PRR16: variants seen among roughly 807,000 people sequenced by gnomAD.
PRR16 encodes protein Largen.
Under a neutral mutation model 18.2 loss-of-function variants are expected in PRR16, and 6 were observed. That is an observed-to-expected ratio of 0.33 (90% CI 0.18 to 0.65). The LOEUF is 0.65. Ranked by LOEUF, PRR16 falls within the 30% of genes least tolerant of loss-of-function variation. The pLI is 0.74. For synonymous variants in PRR16, 151 were observed against 147.8 expected (o/e 1.02, Z -0.16); for missense variants, 412 against 376.6 (o/e 1.09, Z -0.78).
chr5:120,493,745 T>G (rs1008464986), intron 1 of PRR16, among the ~76,000 whole-genome samples: 1 of 152,230 alleles, frequency 6.6e-6, no homozygotes, highest in Non-Finnish European at 1.5e-5. Flanking sequence ...ATTTCTATAA[T>G]TTATCTTTTC....
At chr5:120,636,009 T>G (rs1755215692) in intron 1 of PRR16, among the ~76,000 whole-genome samples, 1 of 152,006 alleles carries the variant, frequency 6.6e-6, no homozygotes, top group Admixed American at 6.6e-5. Flanking sequence ...AGTCAACCCC[T>G]TTCACAATGG....
intron 1 of PRR16, among the ~76,000 whole-genome samples, chr5:120,482,831 T>C (rs938117261): frequency 2.6e-5 from 4 of 152,214 alleles, no homozygotes; most frequent in African/African-American, 7.2e-5. Context: ...GCAAAGTATA[T>C]GTAATGACGA....
chr5:120,476,445 G>C (rs1029301296), intron 1 of PRR16, among the ~76,000 whole-genome samples: 7 of 152,188 alleles, frequency 4.6e-5, no homozygotes, highest in African/African-American at 1.4e-4. Flanking sequence ...TTCCCTGGTT[G>C]TGCATTACTT....
At chr5:120,492,400 C>G (rs1302445185) in intron 1 of PRR16, among the ~76,000 whole-genome samples, 1 of 151,914 alleles carries the variant, frequency 6.6e-6, no homozygotes, top group Non-Finnish European at 1.5e-5. Flanking sequence ...GTATTACAAG[C>G]CATCTTTACA....
At chr5:120,597,638 T>C (rs1753856461) in intron 1 of PRR16, among the ~76,000 whole-genome samples, 1 of 151,796 alleles carries the variant, frequency 6.6e-6, no homozygotes, top group African/African-American at 2.4e-5. Flanking sequence ...GATTCTGTTC[T>C]CTTGCTTGAT....
At chr5:120,567,382 G>A (rs1289650299) in intron 1 of PRR16, among the ~76,000 whole-genome samples, 2 of 152,116 alleles carry the variant, frequency 1.3e-5, no homozygotes, top group African/African-American at 2.4e-5. Context: ...CTGCCACTGT[G>A]CTTTACCTAT....
intron 1 of PRR16, among the ~76,000 whole-genome samples, chr5:120,635,499 C>G (rs1213258511): frequency 6.6e-6 from 1 of 151,998 alleles, no homozygotes; most frequent in African/African-American, 2.4e-5. Flanking sequence ...ACCACATAAA[C>G]AGAATTAAAA....
intron 1 of PRR16, among the ~76,000 whole-genome samples, chr5:120,676,713 G>A (rs888222167): frequency 1.3e-5 from 2 of 152,042 alleles, no homozygotes; most frequent in African/African-American, 2.4e-5. Context: ...GTAAGGAGTC[G>A]ATTGGCCTCA....
chr5:120,585,860 A>G (rs1753423398), intron 1 of PRR16, among the ~76,000 whole-genome samples: 1 of 151,990 alleles, frequency 6.6e-6, no homozygotes, highest in Admixed American at 6.6e-5. Context: ...TTTATTTACT[A>G]CATAGAGAAA....
intron 1 of PRR16, chr5:120,481,156 T>G (rs1388805216): frequency 1.1e-6 from 1 of 882,612 alleles, no homozygotes; most frequent in East Asian, 1.1e-4. Flanking sequence ...CTTATTTTAT[T>G]TTTTTTTTGG....
intron 1 of PRR16, among the ~76,000 whole-genome samples, chr5:120,652,612 C>G (rs896574495): frequency 1.3e-5 from 2 of 151,978 alleles, no homozygotes; most frequent in Admixed American, 6.6e-5. Context: ...CAAACCCCAA[C>G]TGAATGACAT....
the PRR16 span, among the ~76,000 whole-genome samples, chr5:120,762,327 C>G: frequency 6.6e-6 from 1 of 152,008 alleles, no homozygotes; most frequent in East Asian, 1.9e-4. Flanking sequence ...ATTTACATTC[C>G]TAACAGTAGT....
Position 120,594,563 on chromosome 5 carries a change from A to G in PRR16, c.160-91391A>G, listed in dbSNP as rs77659057. The stretch of plus-strand genomic sequence containing the variant: ...AATTTACAGATTCAATGCTATTCCT[A>G]TAAAACTACTGAAGAAATTCTCCAC... On this transcript the variant is annotated intron_variant, in intron 1 of 1. Transcript: ENST00000407149. 3.1e-3 allele frequency among the ~76,000 whole-genome samples: 479 copies of G among 152,238 alleles called. 5 individuals are homozygous for G. The highest frequency in any genetic ancestry group is 2.7e-3 in the East Asian group (14 of 5,172).
chr5:120,742,094 A>G, the PRR16 span, among the ~76,000 whole-genome samples: 453 of 152,048 alleles, frequency 3.0e-3, 1 homozygote, highest in African/African-American at 0.01. Context: ...AGCTTTTTGT[A>G]TCACTGTTTT....
chr5:120,485,690 G>A (rs1342243139), intron 1 of PRR16, among the ~76,000 whole-genome samples: 3 of 151,942 alleles, frequency 2.0e-5, no homozygotes, highest in Non-Finnish European at 4.4e-5. Flanking sequence ...GGGTACATGT[G>A]CACAACGTGC....
chr5:120,577,598 C>T (rs1439999260), intron 1 of PRR16, among the ~76,000 whole-genome samples: 2 of 152,086 alleles, frequency 1.3e-5, no homozygotes. Context: ...CAAGTCAATG[C>T]CACAGGAAAG....
chr5:120,582,154 C>T (rs1037369880), intron 1 of PRR16, among the ~76,000 whole-genome samples: 1 of 152,136 alleles, frequency 6.6e-6, no homozygotes, highest in African/African-American at 2.4e-5. Context: ...CTTCTTTCAG[C>T]AACATGCCTG....
chr5:120,700,505 T>C, the PRR16 span, among the ~76,000 whole-genome samples: 68,114 of 151,568 alleles, frequency 0.45, 16,298 homozygotes, highest in East Asian at 0.84. Context: ...CAATGAGATA[T>C]AGCTGTAGTC....
At chr5:120,489,792 G>T (rs1487886628) in intron 1 of PRR16, among the ~76,000 whole-genome samples, 2 of 152,142 alleles carry the variant, frequency 1.3e-5, no homozygotes, top group Non-Finnish European at 2.9e-5. Flanking sequence ...GGCTGGTACC[G>T]GTTGTTCCTT....
Sources: gnomAD v4.1 joint callset for allele counts (sites outside exome capture counted in the v4.1 genomes callset) on GRCh38, gnomAD v4.1.1 for gene constraint, MANE v1.5 for transcripts, NCBI Gene and HGNC (gene_info 2026-07-23, HGNC 2026-07-21) for gene names.